Variants in POLQ observed in about 807,000 individuals in gnomAD.
The protein encoded by POLQ is DNA polymerase theta.
A neutral mutation model predicts 259.2 loss-of-function variants in POLQ; 233 were observed. That is an observed-to-expected ratio of 0.90 (90% confidence interval 0.81 to 1.00). The LOEUF is 1.00. Ranked by LOEUF, POLQ falls within the 50% of genes least tolerant of loss-of-function variation. The pLI is 0.00. For missense variants in POLQ, 2,871 were observed against 3,051.6 expected (o/e 0.94, Z 1.39); for synonymous variants, 1,025 against 1,048.8 (o/e 0.98, Z 0.44).
At position 121,533,005 on chromosome 3, in the gene POLQ, G is replaced by C; in HGVS notation, c.945C>G (p.Pro315=). 1 of 1,604,642 alleles carries C rather than the reference G, an allele frequency of 6.2e-7. No homozygotes were observed. Among genetic ancestry groups the C allele is most frequent in the African/African-American group, 1.3e-5 (1 of 74,752 alleles). The change falls in exon 6 of 30, where the codon CCC becomes CCG. Residue 315 remains proline, a synonymous_variant. Coordinates refer to ENST00000264233, the MANE Select transcript of POLQ (RefSeq NM_199420.4). ...SSMKLVREFE[P]MLQVKGDEDH... is the part of the protein sequence containing the mutation. ...ATTGATTTACCTTCACTTGTAGCAT[G>C]GGCTCAAATTCCCTCACAAGTTTCA...
At chr3:121,529,609 T>C in intron 7 of POLQ, 36 bp downstream of exon 7, 1 of 1,597,496 alleles carries the variant, frequency 6.3e-7, no homozygotes, top group East Asian at 2.2e-5. Flanking sequence ...GCAAATGTAC[T>C]AAGCATGAAG....
intron 9 of POLQ, among the ~76,000 whole-genome samples, chr3:121,512,839 A>C (rs1336584871): frequency 6.6e-6 from 1 of 152,230 alleles, no homozygotes; most frequent in African/African-American, 2.4e-5. Flanking sequence ...TGCAAATGTA[A>C]ATTGTTACCA....
At position 121,479,362 on chromosome 3, in the gene POLQ, ATGTGTG is replaced by A. The variant is rs71133538; in HGVS notation, c.6211+2204_6211+2209del. Among the ~76,000 whole-genome samples, 186 of 142,696 alleles carry A rather than the reference ATGTGTG, an allele frequency of 1.3e-3. 1 individual carries two copies. Among genetic ancestry groups the A allele is most frequent in the African/African-American group, 4.4e-3 (167 of 38,292 alleles). 93.6% of individuals were successfully genotyped at this position (142,696 alleles called of 152,430 possible). On this transcript the variant is annotated intron_variant, in intron 19 of 29. Coordinates refer to ENST00000264233, the MANE Select transcript of POLQ (RefSeq NM_199420.4). ...CCCTCATCTCTACAAAAAAAAAAAAATGTGTGTGTGTGTGTGTGTGTGTGTATACAC... is the reference window on the plus strand; with the variant it reads ...CCCTCATCTCTACAAAAAAAAAAAAATGTGTGTGTGTGTGTGTGTATACAC...
intron 26 of POLQ, among the ~76,000 whole-genome samples, chr3:121,447,358 G>A (rs1203414743): frequency 1.3e-5 from 2 of 151,732 alleles, no homozygotes; most frequent in Admixed American, 1.3e-4. Flanking sequence ...TTTTTGTAGA[G>A]ATGGAGTTTC....
At chr3:121,536,871 C>A (rs2048455118) in intron 5 of POLQ, among the ~76,000 whole-genome samples, 1 of 152,092 alleles carries the variant, frequency 6.6e-6, no homozygotes, top group Non-Finnish European at 1.5e-5. Flanking sequence ...GTCTGGAACT[C>A]AGGCTCAAGT....
rs973571824 is a variant in POLQ at position 121,460,038 on chromosome 3, C to T, written c.7152+12G>A. ...TCTTCTCCTTTATATTAACCATGTTCACTAAAATCACCTGTTTTGCCTGCT... is the reference window on the plus strand; with the variant it reads ...TCTTCTCCTTTATATTAACCATGTTTACTAAAATCACCTGTTTTGCCTGCT... On this transcript the variant is annotated intron_variant, in intron 25 of 29. Coordinates refer to ENST00000264233, the MANE Select transcript of POLQ (RefSeq NM_199420.4). 15 of 1,602,840 alleles carry T rather than the reference C, an allele frequency of 9.4e-6. No individual in the cohort carries two copies. Among genetic ancestry groups the T allele is most frequent in the Non-Finnish European group, 1.3e-5 (15 of 1,170,158 alleles).
chr3:121,526,385 G>A (rs1026007937), intron 7 of POLQ, among the ~76,000 whole-genome samples: 4 of 152,154 alleles, frequency 2.6e-5, no homozygotes, highest in African/African-American at 9.7e-5. Context: ...ATAGACATGA[G>A]TAGTCCTGAT....
In POLQ at chr3:121,520,065, C is replaced by G; in HGVS notation, c.1274G>C (p.Arg425Thr). The G allele has an allele frequency of 6.2e-7, 1 of 1,611,152 alleles. No homozygotes were observed. The highest frequency in any genetic ancestry group is 8.5e-7 in the Non-Finnish European group (1 of 1,177,504). ...FHHAGLTFEE[R>T]DIIEGAFRQG... ...ACGAAAGGCTCCTTCAATGATATCCCTCTCCTCAAAAGTAAGACCTAAAAA... is the reference window on the plus strand; with the variant it reads ...ACGAAAGGCTCCTTCAATGATATCCGTCTCCTCAAAAGTAAGACCTAAAAA... Residue 425 changes from arginine to threonine, a missense_variant, in exon 9 of 30, where the codon AGG becomes ACG. Physicochemically the swap from Arg to Thr is moderately conservative, Grantham distance 71. This residue lies in a region of POLQ where 783 missense variants were observed against 906.2 expected (regional missense o/e 0.86). Coordinates refer to ENST00000264233, the MANE Select transcript of POLQ (RefSeq NM_199420.4).
At chr3:121,478,126 A>G (rs2047941601) in intron 19 of POLQ, among the ~76,000 whole-genome samples, 1 of 152,176 alleles carries the variant, frequency 6.6e-6, no homozygotes, top group Admixed American at 6.5e-5. Context: ...AAGGGGATAT[A>G]GATCCTTGAA....
At chr3:121,453,716 A>T (rs1030311005) in intron 25 of POLQ, among the ~76,000 whole-genome samples, 1 of 152,188 alleles carries the variant, frequency 6.6e-6, no homozygotes, top group Non-Finnish European at 1.5e-5. Flanking sequence ...AGCCTCCAAG[A>T]AATATGAGAT....
At chr3:121,539,715 T>C (rs2048477310) in intron 3 of POLQ, 126 bp from the exon 4 acceptor site, 2 of 715,938 alleles carry the variant, frequency 2.8e-6, no homozygotes, top group South Asian at 3.4e-5. Flanking sequence ...TCATCAGTTG[T>C]TTCTGGCCAG....
Position 121,488,693 on chromosome 3 carries a change from T to C in POLQ, c.4238A>G (p.Glu1413Gly), listed in dbSNP as rs2048035773. 1 of 1,613,360 alleles carries C rather than the reference T, an allele frequency of 6.2e-7. No individual in the cohort carries two copies. The highest frequency in any genetic ancestry group is 8.5e-7 in the Non-Finnish European group (1 of 1,179,842). Residue 1413 changes from glutamate (E) to glycine (G), a missense_variant, in exon 16 of 30, where the codon GAA becomes GGA. Transcript: ENST00000264233. ...DSHGVDILTP[E>G]SPIFHSPILL... ...TATTGGAGAATGGAAAATCGGGCTT[T>C]CTGGAGTCAGGATATCAACCCCATG...
chr3:121,509,131 C>T lies in POLQ; in HGVS notation c.1959+430G>A, dbSNP rs532238085. Among the ~76,000 whole-genome samples the T allele has an allele frequency of 2.6e-5, 4 of 152,240 alleles. No homozygotes were observed. In the South Asian group the frequency reaches 8.3e-4, roughly 32 times the overall value. ...CTTATGAATATTAACACTAATCAAG[C>T]TTTCCTCTTTCTTTTAGTTGCTAGA... On this transcript the variant is annotated intron_variant, in intron 12 of 29. Coordinates refer to ENST00000264233, the MANE Select transcript of POLQ (RefSeq NM_199420.4).
chr3:121,533,516 G>A (rs1372105145), intron 5 of POLQ, among the ~76,000 whole-genome samples: 1 of 152,048 alleles, frequency 6.6e-6, no homozygotes, highest in Non-Finnish European at 1.5e-5. Flanking sequence ...ACAGTACGTG[G>A]TAGTATTTCT....
intron 19 of POLQ, among the ~76,000 whole-genome samples, chr3:121,478,042 A>G (rs2047940857): frequency 6.6e-6 from 1 of 152,162 alleles, no homozygotes; most frequent in African/African-American, 2.4e-5. Context: ...AGTGGCAGGA[A>G]GCTAGCCTGC....
chr3:121,544,559 T>C lies in POLQ; in HGVS notation c.343+168A>G, dbSNP rs191640437. The stretch of plus-strand genomic sequence containing the variant: ...CACCCCAGTCAAACAATAAAACTTT[T>C]GTAATTTAAATATAAATAAAACTCC... On this transcript the variant is annotated intron_variant, in intron 2 of 29. Transcript: ENST00000264233. 1.2e-3 allele frequency among the ~76,000 whole-genome samples: 188 copies of C among 151,880 alleles called. 2 individuals carry two copies. The highest frequency in any genetic ancestry group is 4.2e-3 in the African/African-American group (176 of 41,554).
At chr3:121,533,657 A>T (rs1416503472) in intron 5 of POLQ, among the ~76,000 whole-genome samples, 1 of 152,108 alleles carries the variant, frequency 6.6e-6, no homozygotes, top group Non-Finnish European at 1.5e-5. Context: ...CTGGGACTAT[A>T]GGTGTGTACC....
At chr3:121,446,318 T>C (rs964881690) in intron 26 of POLQ, among the ~76,000 whole-genome samples, 2 of 152,226 alleles carry the variant, frequency 1.3e-5, no homozygotes, top group East Asian at 3.8e-4. Flanking sequence ...ATTAACTTTC[T>C]GAATATTTTA....
chr3:121,493,590 C>G lies in POLQ; in HGVS notation c.2410G>C (p.Ala804Pro), dbSNP rs749984399. The G allele has an allele frequency of 6.8e-6, 11 of 1,614,108 alleles. No individual in the cohort carries two copies. Among genetic ancestry groups the G allele is most frequent in the Non-Finnish European group, 6.8e-6 (8 of 1,179,994 alleles). The change falls in exon 15 of 30, where the codon GCT becomes CCT. Residue 804 changes from alanine to proline, a missense_variant. Ala to Pro is a conservative substitution (Grantham distance 27). Coordinates refer to ENST00000264233, the MANE Select transcript of POLQ (RefSeq NM_199420.4). ...CDLVRVSLLN[A>P]QRARVLYASG... ...GCATAGAGAACCCTGGCTCTCTGAG[C>G]ATTTAGTAAGGATACCCGAACCAGG... is the stretch of plus-strand genomic sequence containing the variant.
Sources: allele counts gnomAD v4.1 joint callset (sites outside exome capture counted in the v4.1 genomes callset), GRCh38; gene constraint gnomAD v4.1.1; regional missense constraint gnomAD v4.1.1; transcripts MANE v1.5; gene names NCBI Gene and HGNC (gene_info 2026-07-23, HGNC 2026-07-21).